NALCN: variants seen among roughly 807,000 people sequenced by gnomAD.
The protein encoded by NALCN is sodium leak channel, non-selective, also known as sodium leak channel NALCN.
In NALCN, 111 loss-of-function variants were observed where a neutral mutation model predicts 225.3. The ratio of observed to expected loss-of-function variants is 0.49; its 90% CI spans 0.42 to 0.58. The LOEUF (loss-of-function observed/expected upper bound fraction) is 0.58. Ranked by LOEUF, NALCN falls within the 20% of genes least tolerant of loss-of-function variation. NALCN has a pLI of 0.00. For missense variants in NALCN, 1,378 were observed against 2,202.4 expected, an observed-to-expected ratio of 0.63 and a Z score of 7.49; for synonymous variants, 764 against 769.0, an observed-to-expected ratio of 0.99 and a Z score of 0.11.
intron 36 of NALCN, 130 bp from the exon 37 acceptor site, chr13:101,073,807 GT>G: frequency 1.5e-6 from 1 of 660,168 alleles, no homozygotes; most frequent in Non-Finnish European, 2.5e-6. Flanking sequence ...TTTTCCAAAG[GT>G]TATACCTTTT....
At chr13:101,217,927 T>C (rs2040801437) in intron 13 of NALCN, among the ~76,000 whole-genome samples, 1 of 152,138 alleles carries the variant, frequency 6.6e-6, no homozygotes, top group South Asian at 2.1e-4. Context: ...CTTGTTTGCA[T>C]GGGGAATATA....
In NALCN at chr13:101,258,433, A is replaced by G; in HGVS notation, c.1266+10T>C. On this transcript the variant is annotated intron_variant, in intron 11 of 43. Transcript: ENST00000251127. ...TTGCCCAGCGATCTGCACGGTGGAG[A>G]GCTGCTTACCTCCGCCAGGTAGAAC... is the stretch of plus-strand genomic sequence containing the variant. The G allele has an allele frequency of 6.2e-7, 1 of 1,613,842 alleles. No individual in the cohort carries two copies. The highest frequency in any genetic ancestry group is 1.1e-5 in the South Asian group (1 of 91,046).
intron 14 of NALCN, chr13:101,181,015 G>A (rs1408357067): frequency 4.0e-6 from 2 of 496,434 alleles, no homozygotes; most frequent in Non-Finnish European, 8.1e-6. Context: ...CACACATTTA[G>A]TTCTGTACCA....
At chr13:101,289,808 C>A (rs556503920) in intron 9 of NALCN, among the ~76,000 whole-genome samples, 2 of 152,182 alleles carry the variant, frequency 1.3e-5, no homozygotes, top group Admixed American at 1.3e-4. Flanking sequence ...AATGAGAAGT[C>A]CCTGTTCACG....
intron 7 of NALCN, among the ~76,000 whole-genome samples, chr13:101,297,333 G>T (rs148603398): frequency 1.3e-5 from 2 of 152,170 alleles, no homozygotes; most frequent in African/African-American, 4.8e-5. Flanking sequence ...ATGTAAGCCC[G>T]AGACAGTGGA....
intron 7 of NALCN, among the ~76,000 whole-genome samples, chr13:101,300,281 G>A (rs531733522): frequency 6.6e-6 from 1 of 151,670 alleles, no homozygotes; most frequent in Non-Finnish European, 1.5e-5. Context: ...TTCTCCCTCC[G>A]ATCCTCCTTC....
At chr13:101,257,484 T>C (rs2042278094) in intron 11 of NALCN, among the ~76,000 whole-genome samples, 1 of 152,214 alleles carries the variant, frequency 6.6e-6, no homozygotes, top group Non-Finnish European at 1.5e-5. Flanking sequence ...ACCAAATCAA[T>C]TTTTAAATGT....
At chr13:101,163,325 C>T (rs1189956948) in intron 15 of NALCN, among the ~76,000 whole-genome samples, 2 of 152,192 alleles carry the variant, frequency 1.3e-5, no homozygotes, top group East Asian at 1.9e-4. Context: ...ATTGTAGACT[C>T]GAGTGGACAA....
chr13:101,067,431 T>C (rs577008184), intron 39 of NALCN, among the ~76,000 whole-genome samples: 121 of 152,252 alleles, frequency 7.9e-4, no homozygotes, highest in Middle Eastern at 3.4e-3. Context: ...GCAGCTACTT[T>C]GGCTAATTTT....
At chr13:101,197,265 A>G (rs2039930706) in intron 13 of NALCN, among the ~76,000 whole-genome samples, 1 of 152,058 alleles carries the variant, frequency 6.6e-6, no homozygotes, top group African/African-American at 2.4e-5. Context: ...TGAGCCTAGA[A>G]TATTCATGTT....
Position 101,104,241 on chromosome 13 carries a change from G to A in NALCN, c.2889+54C>T, listed in dbSNP as rs2034979778. ...TCTTGCGCTTATACCAAGAAATGCA[G>A]GAGATTTTACAAAACCATTACATTT... On this transcript the variant is annotated intron_variant, in intron 25 of 43. Transcript: ENST00000251127. The surrounding 1 kb of genome is among the most constrained non-coding windows in gnomAD (Gnocchi z 4.2). The A allele has an allele frequency of 9.7e-6, 15 of 1,546,966 alleles. No individual in the cohort carries two copies. The highest frequency in any genetic ancestry group is 1.3e-5 in the Non-Finnish European group (15 of 1,151,730).
In NALCN at chr13:101,110,619, A is replaced by G. The variant is rs751275787; in HGVS notation, c.2364T>C (p.Asp788=). 6.2e-7 allele frequency: 1 copy of G among 1,613,924 alleles called. No individual in the cohort carries two copies. Among genetic ancestry groups the G allele is most frequent in the South Asian group, 1.1e-5 (1 of 91,072 alleles). ...ATCCAAAGCATTGCTTAAAACTTACATCTTGAGTCAAAGTTTCAAGAGATT... is the reference window on the plus strand; with the variant it reads ...ATCCAAAGCATTGCTTAAAACTTACGTCTTGAGTCAAAGTTTCAAGAGATT... ...RGKSLETLTQ[D]HSNTVRYRNA... The change falls in exon 20 of 44, where the codon GAT becomes GAC. Residue 788 remains aspartate (D), a splice_region_variant and synonymous_variant. Transcript: ENST00000251127.
intron 10 of NALCN, among the ~76,000 whole-genome samples, chr13:101,266,247 G>A (rs2042592180): frequency 6.6e-6 from 1 of 152,132 alleles, no homozygotes; most frequent in Non-Finnish European, 1.5e-5. Flanking sequence ...GATGCAGTCA[G>A]TTGCTTACAG....
chr13:101,273,760 C>G (rs1342814634), intron 10 of NALCN, among the ~76,000 whole-genome samples: 2 of 151,820 alleles, frequency 1.3e-5, no homozygotes, highest in Non-Finnish European at 2.9e-5. Context: ...TGGCAGGCAC[C>G]TGTAGACCCA....
intron 13 of NALCN, among the ~76,000 whole-genome samples, chr13:101,226,698 C>A (rs953688280): frequency 1.3e-5 from 2 of 152,126 alleles, no homozygotes; most frequent in African/African-American, 4.8e-5. Context: ...GGGACCACTG[C>A]CATCCCCACC....
At chr13:101,288,295 T>C (rs1177020858) in intron 9 of NALCN, among the ~76,000 whole-genome samples, 1 of 152,234 alleles carries the variant, frequency 6.6e-6, no homozygotes, top group African/African-American at 2.4e-5. Flanking sequence ...ATTTTAATGA[T>C]GTATATTCAT....
In NALCN at chr13:101,393,326, T is replaced by A. The variant is rs113977921; in HGVS notation, c.291+1857A>T. 1.8e-3 allele frequency among the ~76,000 whole-genome samples: 267 copies of A among 152,202 alleles called. 1 individual carries two copies. Among genetic ancestry groups the A allele is most frequent in the African/African-American group, 6.1e-3 (255 of 41,528 alleles). On this transcript the variant is annotated intron_variant, in intron 3 of 43. Coordinates refer to ENST00000251127, the MANE Select transcript of NALCN (RefSeq NM_052867.4). Reference sequence around the variant, plus strand: ...TCTGACATATTTTGAGGTGACCATGTGGGAAAGAAGCACCTGTGCGCATTG... The same window carrying A: ...TCTGACATATTTTGAGGTGACCATGAGGGAAAGAAGCACCTGTGCGCATTG...
At chr13:101,193,086 T>C (rs2039747262) in intron 13 of NALCN, among the ~76,000 whole-genome samples, 1 of 147,424 alleles carries the variant, frequency 6.8e-6, no homozygotes, top group South Asian at 2.2e-4. Context: ...GTAAAGATGA[T>C]TTCATCTGAT....
chr13:101,060,449 A>ATTTTTT (rs55697849), intron 41 of NALCN, among the ~76,000 whole-genome samples: 15 of 93,692 alleles, frequency 1.6e-4, no homozygotes, highest in South Asian at 3.9e-4. Flanking sequence ...TGGCTAATTA[A>ATTTTTT]TTTTTTTTTT....
Sources: gnomAD v4.1 joint callset for allele counts (sites outside exome capture counted in the v4.1 genomes callset) on GRCh38, gnomAD v4.1.1 for gene constraint, Gnocchi (gnomAD v3.1) non-coding constraint, MANE v1.5 for transcripts, NCBI Gene and HGNC (gene_info 2026-07-23, HGNC 2026-07-21) for gene names.